Variants in EVI5 observed in about 807,000 individuals in gnomAD.
EVI5 encodes the protein ecotropic viral integration site 5 protein homolog.
A neutral mutation model predicts 112.0 loss-of-function variants in EVI5; 73 were observed. The ratio of observed to expected loss-of-function variants is 0.65; its 90% CI spans 0.54 to 0.79. EVI5 has a LOEUF of 0.79. EVI5 is among the 30% of genes least tolerant of loss of function. The pLI, the probability that EVI5 is intolerant of heterozygous loss-of-function variation, is 0.00. For missense variants in EVI5, 900 were observed against 968.8 expected (o/e 0.93, Z 0.94); for synonymous variants, 305 against 319.9 (o/e 0.95, Z 0.50).
chr1:92,791,055 A>G (rs971455807), intron 1 of EVI5, among the ~76,000 whole-genome samples: 1 of 152,214 alleles, frequency 6.6e-6, no homozygotes, highest in South Asian at 2.1e-4. Flanking sequence ...TCTATATGTG[A>G]TACTACACAT....
chr1:92,595,787 T>C (rs960505309), intron 18 of EVI5, among the ~76,000 whole-genome samples: 1 of 152,146 alleles, frequency 6.6e-6, no homozygotes, highest in Non-Finnish European at 1.5e-5. Flanking sequence ...AGTTTGAATT[T>C]TGTCCCCAAC....
At chr1:92,728,981 C>T (rs1382076689) in intron 2 of EVI5, among the ~76,000 whole-genome samples, 1 of 152,080 alleles carries the variant, frequency 6.6e-6, no homozygotes, top group Non-Finnish European at 1.5e-5. Context: ...TACTTAATAA[C>T]GGCCCCAAAC....
At chr1:92,564,666 T>C (rs1451734073) in intron 18 of EVI5, among the ~76,000 whole-genome samples, 1 of 144,194 alleles carries the variant, frequency 6.9e-6, no homozygotes, top group Non-Finnish European at 1.5e-5. Flanking sequence ...GAACATAAAT[T>C]ATTTTTCAGA....
intron 1 of EVI5, among the ~76,000 whole-genome samples, chr1:92,746,309 G>A (rs1005882233): frequency 6.6e-6 from 1 of 152,104 alleles, no homozygotes; most frequent in African/African-American, 2.4e-5. Flanking sequence ...CTTTTTACCA[G>A]TGAGTACTCA....
At chr1:92,535,279 G>C (rs912225564) in intron 19 of EVI5, among the ~76,000 whole-genome samples, 21 of 152,182 alleles carry the variant, frequency 1.4e-4, no homozygotes, top group African/African-American at 4.6e-4. Context: ...AGAGGATGTG[G>C]AGAAATAGGA....
Position 92,743,128 on chromosome 1 carries a change from G to A in EVI5, c.-81-6501C>T, listed in dbSNP as rs180861890. Among the ~76,000 whole-genome samples, 102 of 152,302 alleles carry A rather than the reference G, an allele frequency of 6.7e-4. 1 individual carries two copies. Among genetic ancestry groups the A allele is most frequent in the South Asian group, 4.1e-4 (2 of 4,828 alleles). On this transcript the variant is annotated intron_variant, in intron 1 of 19. Transcript: ENST00000684568. ...AGCACTTTGGGAGGCTGAGGTGGGC[G>A]GATCACCTGAGGTCAGGAGTTCGAG...
At chr1:92,690,882 T>C (rs892691348) in intron 9 of EVI5, among the ~76,000 whole-genome samples, 1 of 152,250 alleles carries the variant, frequency 6.6e-6, no homozygotes, top group Non-Finnish European at 1.5e-5. Context: ...AAGTACATGG[T>C]ATCACCTATT....
intron 13 of EVI5, among the ~76,000 whole-genome samples, chr1:92,644,082 T>A (rs929848407): frequency 6.6e-6 from 1 of 152,166 alleles, no homozygotes; most frequent in African/African-American, 2.4e-5. Context: ...AGTTATTTGG[T>A]ACAAAAATAT....
intron 13 of EVI5, among the ~76,000 whole-genome samples, chr1:92,636,622 C>G (rs1338753455): frequency 6.6e-6 from 1 of 152,180 alleles, no homozygotes; most frequent in Non-Finnish European, 1.5e-5. Context: ...TTTTATCTGT[C>G]CATCCATCCA....
chr1:92,522,140 T>C (rs1050092065), intron 19 of EVI5, among the ~76,000 whole-genome samples: 1 of 152,226 alleles, frequency 6.6e-6, no homozygotes, highest in Admixed American at 6.5e-5. Context: ...TTAACTGATT[T>C]TGTTTGGAAA....
intron 11 of EVI5, among the ~76,000 whole-genome samples, chr1:92,664,735 C>T (rs868208009): frequency 3.9e-5 from 6 of 152,146 alleles, no homozygotes; most frequent in Non-Finnish European, 1.5e-5. Context: ...CCTGTCCTTA[C>T]GCACTTCTAT....
chr1:92,656,072 C>G (rs1662952980), intron 13 of EVI5, among the ~76,000 whole-genome samples: 1 of 152,116 alleles, frequency 6.6e-6, no homozygotes, highest in South Asian at 2.1e-4. Context: ...ATAGGACATT[C>G]TATTCAACAA....
chr1:92,741,899 G>A (rs1678473449), intron 1 of EVI5, among the ~76,000 whole-genome samples: 1 of 152,002 alleles, frequency 6.6e-6, no homozygotes, highest in African/African-American at 2.4e-5. Flanking sequence ...AAAACTTCAT[G>A]ACAATGATTT....
At chr1:92,638,431 A>G (rs1659319488) in intron 13 of EVI5, among the ~76,000 whole-genome samples, 1 of 152,192 alleles carries the variant, frequency 6.6e-6, no homozygotes, top group South Asian at 2.1e-4. Context: ...TTTACAGAAT[A>G]TAATTCCCAG....
chr1:92,785,395 G>A (rs922427160), upstream of EVI5, among the ~76,000 whole-genome samples: 5 of 152,196 alleles, frequency 3.3e-5, no homozygotes, highest in Admixed American at 2.0e-4. Context: ...CCGAGCTTAG[G>A]ACTGCAGGCC....
At chr1:92,673,724 A>G (rs1239588251) in intron 10 of EVI5, among the ~76,000 whole-genome samples, 1 of 152,232 alleles carries the variant, frequency 6.6e-6, no homozygotes, top group Non-Finnish European at 1.5e-5. Context: ...TCTATTAACA[A>G]AAAATTTCAC....
chr1:92,723,497 T>C (rs1263310379), intron 2 of EVI5, among the ~76,000 whole-genome samples: 2 of 152,196 alleles, frequency 1.3e-5, no homozygotes, highest in Non-Finnish European at 2.9e-5. Flanking sequence ...ATTATGAAGA[T>C]TTCATGGACA....
chr1:92,551,343 A>G (rs1666909047), intron 19 of EVI5, among the ~76,000 whole-genome samples: 1 of 151,950 alleles, frequency 6.6e-6, no homozygotes, highest in Non-Finnish European at 1.5e-5. Flanking sequence ...ATGAATTTCT[A>G]TTCCTCCCCC....
At chr1:92,759,718 A>G (rs1369273570) in intron 1 of EVI5, among the ~76,000 whole-genome samples, 1 of 152,160 alleles carries the variant, frequency 6.6e-6, no homozygotes, top group Non-Finnish European at 1.5e-5. Flanking sequence ...TTATATCATT[A>G]TATGTAAAAC....
Sources: allele counts gnomAD v4.1 joint callset (sites outside exome capture counted in the v4.1 genomes callset), GRCh38; gene constraint gnomAD v4.1.1; transcripts MANE v1.5; gene names NCBI Gene and HGNC (gene_info 2026-07-23, HGNC 2026-07-21).